Variants in CHCHD6 observed in about 807,000 individuals in gnomAD.
The protein encoded by CHCHD6 is MICOS complex subunit MIC25.
In CHCHD6, 28 loss-of-function variants were observed where a neutral mutation model predicts 32.3. The observed-to-expected ratio is 0.87, with a 90% CI of 0.64 to 1.19. The LOEUF (loss-of-function observed/expected upper bound fraction) is 1.19. Among genes scored for constraint, CHCHD6 ranks in the 50% most tolerant of loss-of-function variants. The probability of loss-of-function intolerance (pLI) is 0.00; values close to 1 mark genes in which losing one functional copy is unlikely to be tolerated. For synonymous variants in CHCHD6, 122 were observed against 117.5 expected, an observed-to-expected ratio of 1.04 and a Z score of -0.25; for missense variants, 333 against 307.0, an observed-to-expected ratio of 1.08 and a Z score of -0.63.
At chr3:126,890,988 T>C (rs576877122) in intron 5 of CHCHD6, among the ~76,000 whole-genome samples, 231 of 152,270 alleles carry the variant, frequency 1.5e-3, no homozygotes, top group Non-Finnish European at 2.4e-3. Flanking sequence ...CCCAGTGGGA[T>C]TGCAATTTGG....
chr3:126,833,900 A>C lies in CHCHD6; in HGVS notation c.412-18747A>C, dbSNP rs187842419. The stretch of plus-strand genomic sequence containing the variant: ...GAAACCCCGTCTCTACTAAAACTAC[A>C]AAAAATAGCCGGGCGTAGTGGCGGG... On this transcript the variant is annotated intron_variant, in intron 4 of 7. Coordinates refer to ENST00000290913, the MANE Select transcript of CHCHD6 (RefSeq NM_032343.3). Among the ~76,000 whole-genome samples the C allele has an allele frequency of 1.8e-3, 266 of 151,526 alleles. 1 individual carries two copies. The highest frequency in any genetic ancestry group is 6.2e-3 in the African/African-American group (254 of 41,272).
intron 4 of CHCHD6, among the ~76,000 whole-genome samples, chr3:126,801,577 G>T (rs769633385): frequency 5.3e-5 from 8 of 152,220 alleles, no homozygotes; most frequent in African/African-American, 9.6e-5. Context: ...GCTGGGTGGA[G>T]CCCACCAGAG....
chr3:126,909,051 A>G (rs1000744663), intron 5 of CHCHD6, among the ~76,000 whole-genome samples: 2 of 152,210 alleles, frequency 1.3e-5, no homozygotes, highest in Non-Finnish European at 2.9e-5. Context: ...GCTATTAGAC[A>G]TAAATCCTCA....
intron 5 of CHCHD6, among the ~76,000 whole-genome samples, chr3:126,885,026 T>C (rs561041233): frequency 6.2e-4 from 94 of 152,176 alleles, no homozygotes; most frequent in Non-Finnish European, 1.3e-3. Context: ...GAACGCCCCA[T>C]CTCGCTGACC....
intron 5 of CHCHD6, among the ~76,000 whole-genome samples, chr3:126,903,818 A>G (rs2077965261): frequency 6.6e-6 from 1 of 152,100 alleles, no homozygotes; most frequent in Non-Finnish European, 1.5e-5. Flanking sequence ...CATGACTTCT[A>G]TCCATCTAGG....
At chr3:126,925,845 T>G (rs1481071550) in intron 6 of CHCHD6, among the ~76,000 whole-genome samples, 1 of 152,228 alleles carries the variant, frequency 6.6e-6, no homozygotes, top group African/African-American at 2.4e-5. Flanking sequence ...CCCCTTATTT[T>G]TTTAAATCAT....
At chr3:126,841,335 T>C (rs1489707777) in intron 4 of CHCHD6, among the ~76,000 whole-genome samples, 1 of 152,188 alleles carries the variant, frequency 6.6e-6, no homozygotes, top group East Asian at 1.9e-4. Flanking sequence ...CTATTGTGAA[T>C]AATGCCGCAA....
At position 126,706,017 on chromosome 3, in the gene CHCHD6, A is replaced by G. The variant is rs185512001; in HGVS notation, c.87+1618A>G. Reference sequence around the variant, plus strand: ...GGACCTCACTCGTGGCAAGGATTAAATGGGGGAGGAGATGGCTTGTGTTGG... The same window carrying G: ...GGACCTCACTCGTGGCAAGGATTAAGTGGGGGAGGAGATGGCTTGTGTTGG... On this transcript the variant is annotated intron_variant, in intron 1 of 7. Coordinates refer to ENST00000290913, the MANE Select transcript of CHCHD6 (RefSeq NM_032343.3). Among the ~76,000 whole-genome samples, 191 of 152,296 alleles carry G rather than the reference A, an allele frequency of 1.3e-3. 1 individual carries two copies. The highest frequency in any genetic ancestry group is 4.2e-3 in the African/African-American group (174 of 41,568).
chr3:126,719,467 T>C (rs573726665), intron 1 of CHCHD6, among the ~76,000 whole-genome samples: 2 of 152,290 alleles, frequency 1.3e-5, no homozygotes, highest in African/African-American at 4.8e-5. Context: ...GTGCACCCCA[T>C]TGGTTCTTCA....
chr3:126,916,499 G>A (rs546280179), intron 6 of CHCHD6, among the ~76,000 whole-genome samples: 1 of 152,218 alleles, frequency 6.6e-6, no homozygotes, highest in Admixed American at 6.5e-5. Flanking sequence ...AAGGCAGATA[G>A]AGACAAGGAC....
chr3:126,756,494 A>G (rs554696254), intron 4 of CHCHD6, among the ~76,000 whole-genome samples: 21 of 152,280 alleles, frequency 1.4e-4, no homozygotes, highest in Middle Eastern at 3.4e-3. Context: ...GCAGGGGGGA[A>G]GTGGAATGTG....
At chr3:126,745,246 C>G (rs1936447962) in intron 4 of CHCHD6, among the ~76,000 whole-genome samples, 1 of 152,202 alleles carries the variant, frequency 6.6e-6, no homozygotes, top group Non-Finnish European at 1.5e-5. Flanking sequence ...GGCGAGGGCA[C>G]TTTCCATAGC....
intron 5 of CHCHD6, among the ~76,000 whole-genome samples, chr3:126,860,363 G>A (rs998416320): frequency 3.9e-5 from 6 of 152,004 alleles, no homozygotes; most frequent in African/African-American, 9.7e-5. Context: ...TCCAAACACC[G>A]CATGTTCTCA....
chr3:126,892,179 C>G (rs1199412615), intron 5 of CHCHD6, among the ~76,000 whole-genome samples: 3 of 152,210 alleles, frequency 2.0e-5, no homozygotes, highest in African/African-American at 7.2e-5. Context: ...CATTATGGCC[C>G]TTTCAGCGCC....
intron 4 of CHCHD6, among the ~76,000 whole-genome samples, chr3:126,763,951 TA>T (rs1937257026): frequency 6.6e-6 from 1 of 152,114 alleles, no homozygotes; most frequent in Admixed American, 6.6e-5. Flanking sequence ...TTACAATGGT[TA>T]AAAATGGCAT....
intron 6 of CHCHD6, among the ~76,000 whole-genome samples, chr3:126,952,220 G>C (rs937119339): frequency 6.6e-6 from 1 of 152,188 alleles, no homozygotes; most frequent in African/African-American, 2.4e-5. Flanking sequence ...CTCTCCTGTA[G>C]GCTAGACTTG....
At chr3:126,904,339 G>A (rs780560623) in intron 5 of CHCHD6, among the ~76,000 whole-genome samples, 12 of 152,152 alleles carry the variant, frequency 7.9e-5, no homozygotes, top group Non-Finnish European at 1.0e-4. Context: ...CCCCTGTCAA[G>A]GTCCACCATA....
intron 6 of CHCHD6, among the ~76,000 whole-genome samples, chr3:126,941,611 G>A (rs79731078): frequency 0.027 from 4,082 of 152,164 alleles, 136 homozygotes; most frequent in East Asian, 0.16. Flanking sequence ...TCAAATTGCC[G>A]TCACTGTTGG....
At chr3:126,835,843 G>A (rs1325156971) in intron 4 of CHCHD6, among the ~76,000 whole-genome samples, 1 of 152,192 alleles carries the variant, frequency 6.6e-6, no homozygotes, top group Admixed American at 6.5e-5. Context: ...CTCACAGGCA[G>A]GGATTCTGTT....
Sources: allele counts gnomAD v4.1 joint callset (sites outside exome capture counted in the v4.1 genomes callset), GRCh38; gene constraint gnomAD v4.1.1; transcripts MANE v1.5; gene names NCBI Gene and HGNC (gene_info 2026-07-23, HGNC 2026-07-21).